The following HAAO variants were observed in gnomAD, a reference collection of about 807,000 sequenced individuals.
HAAO encodes 3-hydroxyanthranilate oxygenase.
Under a neutral mutation model 46.2 loss-of-function variants are expected in HAAO, and 49 were observed. That is an observed-to-expected ratio of 1.06 (90% CI 0.84 to 1.34). The LOEUF (loss-of-function observed/expected upper bound fraction) is 1.34, where lower values mean the gene tolerates loss of function less well. HAAO is among the 40% of genes most tolerant of loss of function. HAAO has a pLI of 0.00. For synonymous variants in HAAO, 157 were observed against 145.2 expected, an observed-to-expected ratio of 1.08 and a Z score of -0.58; for missense variants, 408 against 364.5, an observed-to-expected ratio of 1.12 and a Z score of -0.97.
intron 4 of HAAO, among the ~76,000 whole-genome samples, chr2:42,778,808 G>T (rs115326235): frequency 6.6e-6 from 1 of 151,738 alleles, no homozygotes; most frequent in Non-Finnish European, 1.5e-5. Context: ...AATTTTGAGA[G>T]ATAAAATAAG....
rs540372624 is a variant in HAAO at position 42,778,126 on chromosome 2, T to TTA, written c.350+5187_350+5188insTA. Reference sequence around the variant, plus strand: ...GTAAGTCACAATAAGAGGATTTATTTAAAAAAAAAACCCAAAAACTTTTAT... The same window carrying TTA: ...GTAAGTCACAATAAGAGGATTTATTTTAAAAAAAAAAACCCAAAAACTTTTAT... On this transcript the variant is annotated intron_variant, in intron 4 of 9. Transcript: ENST00000294973. 3.2e-3 allele frequency among the ~76,000 whole-genome samples: 478 copies of TTA among 149,864 alleles called. 1 individual carries two copies. The highest frequency in any genetic ancestry group is 9.5e-3 in the African/African-American group (389 of 40,908).
intron 4 of HAAO, among the ~76,000 whole-genome samples, chr2:42,778,887 G>T (rs1168959201): frequency 6.6e-6 from 1 of 152,150 alleles, no homozygotes; most frequent in African/African-American, 2.4e-5. Context: ...GCTGGGGTGG[G>T]TGGATCATGT....
intron 2 of HAAO, among the ~76,000 whole-genome samples, chr2:42,785,971 T>C (rs918061188): frequency 6.6e-6 from 1 of 151,654 alleles, no homozygotes; most frequent in African/African-American, 2.4e-5. Flanking sequence ...CATTTCAGTA[T>C]GCTCTCCTCC....
At chr2:42,770,288 C>G (rs751238695) in intron 5 of HAAO, 102 bp from the exon 6 acceptor site, 39 of 1,028,204 alleles carry the variant, frequency 3.8e-5, no homozygotes, top group Non-Finnish European at 5.2e-5. Flanking sequence ...CAGGTGCCCA[C>G]ACACACTCAT....
chr2:42,789,436 G>A (rs1558677729), intron 1 of HAAO, among the ~76,000 whole-genome samples: 1 of 152,168 alleles, frequency 6.6e-6, no homozygotes, highest in African/African-American at 2.4e-5. Flanking sequence ...CAGGCCTGGT[G>A]GTGGGCACCT....
At chr2:42,768,407 G>A (rs1022167494) in intron 7 of HAAO, among the ~76,000 whole-genome samples, 1 of 152,112 alleles carries the variant, frequency 6.6e-6, no homozygotes, top group African/African-American at 2.4e-5. Flanking sequence ...CCCTGGAGAG[G>A]GTGCATATTC....
chr2:42,778,851 C>T lies in HAAO; in HGVS notation c.350+4463G>A, dbSNP rs370006352. On this transcript the variant is annotated intron_variant, in intron 4 of 9. Transcript: ENST00000294973. ...TCTCGCTGGGTGTGGTGGTGGCTCA[C>T]GCCTCTAATTCCAGCACTTTGGGAG... 3.9e-5 allele frequency among the ~76,000 whole-genome samples: 6 copies of T among 152,128 alleles called. No homozygotes were observed. The East Asian group carries it at 7.7e-4, about 20-fold the overall frequency.
chr2:42,790,273 G>A (rs1197005291), intron 1 of HAAO, among the ~76,000 whole-genome samples: 4 of 152,086 alleles, frequency 2.6e-5, no homozygotes, highest in African/African-American at 9.7e-5. Context: ...AGGTGGATGA[G>A]GTTGCAGGGC....
chr2:42,780,784 C>G (rs1174146994), intron 4 of HAAO, among the ~76,000 whole-genome samples: 1 of 151,058 alleles, frequency 6.6e-6, no homozygotes, highest in African/African-American at 2.4e-5. Flanking sequence ...TTTAATACTC[C>G]CGGCCGGGCG....
chr2:42,770,321 T>TCTG (rs756954275), intron 5 of HAAO, 135 bp from the exon 6 acceptor site: 2 of 877,988 alleles, frequency 2.3e-6, no homozygotes, highest in Non-Finnish European at 3.6e-6. Context: ...CAGCTGTGTG[T>TCTG]CTGCCATCCT....
chr2:42,790,068 G>A (rs1672674594), intron 1 of HAAO, among the ~76,000 whole-genome samples: 1 of 152,138 alleles, frequency 6.6e-6, no homozygotes, highest in Non-Finnish European at 1.5e-5. Flanking sequence ...GGCAGGGGAG[G>A]GGCTATGGGG....
At chr2:42,781,205 T>C (rs1471677086) in intron 4 of HAAO, among the ~76,000 whole-genome samples, 2 of 152,264 alleles carry the variant, frequency 1.3e-5, no homozygotes, top group Non-Finnish European at 2.9e-5. Flanking sequence ...AATACAGTTA[T>C]ATGCATAAGT....
intron 7 of HAAO, among the ~76,000 whole-genome samples, chr2:42,768,884 C>G (rs1670870306): frequency 1.3e-5 from 2 of 152,216 alleles, no homozygotes; most frequent in Non-Finnish European, 2.9e-5. Context: ...CCCCCAAGCC[C>G]CGCCTCTGGC....
At chr2:42,769,097 T>G (rs1670884816) in intron 7 of HAAO, among the ~76,000 whole-genome samples, 1 of 152,252 alleles carries the variant, frequency 6.6e-6, no homozygotes, top group South Asian at 2.1e-4. Flanking sequence ...TCCTTTATCC[T>G]TCTATAGCTT....
At chr2:42,770,311 C>A in intron 5 of HAAO, 125 bp from the exon 6 acceptor site, 1 of 906,732 alleles carries the variant, frequency 1.1e-6, no homozygotes, top group Non-Finnish European at 1.7e-6. Context: ...GGCTCTCACA[C>A]AGCTGTGTGT....
chr2:42,790,344 G>C (rs1672696783), intron 1 of HAAO, among the ~76,000 whole-genome samples: 1 of 151,930 alleles, frequency 6.6e-6, no homozygotes, highest in African/African-American at 2.4e-5. Flanking sequence ...AGAGCTTCAA[G>C]GAGGGGAGGG....
chr2:42,774,127 C>G (rs778481835), intron 4 of HAAO, among the ~76,000 whole-genome samples: 10 of 152,158 alleles, frequency 6.6e-5, no homozygotes, highest in Non-Finnish European at 1.5e-4. Flanking sequence ...TGTCTCTTGT[C>G]CCCCTAAAAT....
In HAAO at chr2:42,768,164, G is replaced by A. The variant is rs1210252528; in HGVS notation, c.631-236C>T. The stretch of plus-strand genomic sequence containing the variant: ...GGGATCACACATGCCTGCCTTTCAC[G>A]TGCAGTGCACCCGTGGTCCCTCTGA... On this transcript the variant is annotated intron_variant, in intron 7 of 9. Coordinates refer to ENST00000294973, the MANE Select transcript of HAAO (RefSeq NM_012205.3). 5.3e-5 allele frequency among the ~76,000 whole-genome samples: 8 copies of A among 152,226 alleles called. No individual in the cohort carries two copies. The East Asian group carries it at 1.2e-3, about 22-fold the overall frequency.
chr2:42,777,606 G>C (rs1245348014), intron 4 of HAAO, among the ~76,000 whole-genome samples: 1 of 152,094 alleles, frequency 6.6e-6, no homozygotes, highest in Non-Finnish European at 1.5e-5. Context: ...TTTTGCAATG[G>C]TGGTTCCATA....
Sources: allele counts gnomAD v4.1 joint callset (sites outside exome capture counted in the v4.1 genomes callset), GRCh38; gene constraint gnomAD v4.1.1; transcripts MANE v1.5; gene names NCBI Gene and HGNC (gene_info 2026-07-23, HGNC 2026-07-21).